Variants in IGF2 observed in about 807,000 individuals in gnomAD.
The protein encoded by IGF2 is insulin like growth factor 2, also known as insulin-like growth factor 2.
Under a neutral mutation model 12.0 loss-of-function variants are expected in IGF2, and 2 were observed. That is an observed-to-expected ratio of 0.17 (90% CI 0.07 to 0.52). IGF2 has a LOEUF of 0.52. Among genes scored for constraint, IGF2 ranks in the 20% least tolerant of loss-of-function variants. The probability of loss-of-function intolerance (pLI) is 0.95; values close to 1 mark genes in which losing one functional copy is unlikely to be tolerated. For synonymous variants in IGF2, 105 were observed against 110.1 expected, an observed-to-expected ratio of 0.95 and a Z score of 0.29; for missense variants, 211 against 268.0, an observed-to-expected ratio of 0.79 and a Z score of 1.48.
chr11:2,134,221 A>G, intron 2 of IGF2: 1 of 464,956 alleles, frequency 2.2e-6, no homozygotes, highest in Non-Finnish European at 4.4e-6. Flanking sequence ...CCCCCACAGC[A>G]ATGCTCAGCT....
rs767507381 is a variant in IGF2, at chr11:2,135,481, A to G, written c.43T>C (p.Phe15Leu). The change falls in exon 2 of 4, where the codon TTC (phenylalanine) becomes CTC (leucine). Residue 15 changes from phenylalanine to leucine, a missense_variant. Phe to Leu is a conservative substitution (Grantham distance 22). Transcript: ENST00000416167. The part of the protein sequence containing the change: ...MGKSMLVLLT[F>L]LAFASCCIAA... ...ATGCAGCACGAGGCGAAGGCCAAGAAGGTGAGAAGCACCAGCATCGACTTC... is the reference window on the plus strand; with the variant it reads ...ATGCAGCACGAGGCGAAGGCCAAGAGGGTGAGAAGCACCAGCATCGACTTC... 6.2e-7 allele frequency: 1 copy of G among 1,613,780 alleles called. No individual in the cohort carries two copies. Among genetic ancestry groups the G allele is most frequent in the South Asian group, 1.1e-5 (1 of 91,070 alleles).
Position 2,135,350 on chromosome 11 carries a change from C to T in IGF2, c.157+17G>A. 1.9e-6 allele frequency: 3 copies of T among 1,596,450 alleles called. No homozygotes were observed. Among genetic ancestry groups the T allele is most frequent in the Non-Finnish European group, 2.6e-6 (3 of 1,171,076 alleles). ...GGGGCCTGACCAGGTCTGAGGAAGCCCCTCCCAGCTACTTACTGAAGTAGA... is the reference window on the plus strand; with the variant it reads ...GGGGCCTGACCAGGTCTGAGGAAGCTCCTCCCAGCTACTTACTGAAGTAGA... On this transcript the variant is annotated intron_variant, in intron 2 of 3. Coordinates refer to ENST00000416167, the MANE Select transcript of IGF2 (RefSeq NM_000612.6).
upstream of IGF2, chr11:2,140,091 CAG>C (rs776583556): frequency 3.0e-5 from 48 of 1,594,652 alleles, no homozygotes; most frequent in Non-Finnish European, 3.9e-5. Context: ...CTCCGGCCGC[CAG>C]AGGAGAGAGG....
chr11:2,140,135 C>G (rs371300605), upstream of IGF2: 29 of 1,612,732 alleles, frequency 1.8e-5, no homozygotes, highest in African/African-American at 3.1e-4. Flanking sequence ...CAAATCCTAC[C>G]TGCATGGCCG....
chr11:2,140,423 C>T, upstream of IGF2: 2 of 832,056 alleles, frequency 2.4e-6, no homozygotes, highest in East Asian at 5.8e-5. Context: ...GGGCCGCCGG[C>T]GGAATCTCGC....
At chr11:2,144,101 T>G (rs1859765054), upstream of IGF2, among the ~76,000 whole-genome samples, 1 of 150,852 alleles carries the variant, frequency 6.6e-6, no homozygotes, top group Non-Finnish European at 1.5e-5. Flanking sequence ...TTTTTTTTTC[T>G]TTGCCTTCTC....
chr11:2,147,325 C>A, the IGF2 span: 1 of 372,700 alleles, frequency 2.7e-6, no homozygotes, highest in Non-Finnish European at 4.8e-6. The surrounding 1 kb of genome is among the most constrained non-coding windows in gnomAD (Gnocchi z 7.2). Context: ...CAGGAGCTCC[C>A]CTGCCAGGAC....
chr11:2,144,088 AT>A (rs5789244), upstream of IGF2, among the ~76,000 whole-genome samples: 133,658 of 150,644 alleles, frequency 0.89, 59,741 homozygotes, highest in East Asian at 1. Context: ...TTTTGCTTTT[AT>A]TTTTTTTTTT....
Position 2,130,169 on chromosome 11 carries a change from C to T in IGF2, c.*2818G>A, listed in dbSNP as rs923224306. ...AACCCTCTGTTTACACACCTGCTAGCCCCTTCCCCTCCGGCCAGCCTCAGG... is the reference window on the plus strand; with the variant it reads ...AACCCTCTGTTTACACACCTGCTAGTCCCTTCCCCTCCGGCCAGCCTCAGG... On this transcript the variant is annotated 3_prime_UTR_variant, in exon 4 of 4. Transcript: ENST00000416167. 23 of 231,060 alleles carry T rather than the reference C, an allele frequency of 1.0e-4. No homozygotes were observed. In the Admixed American group the frequency reaches 1.1e-3, roughly 11 times the overall value. 14.3% of individuals were successfully genotyped at this position (231,060 alleles called of 1,614,324 possible).
chr11:2,140,386 C>T (rs1190072415), upstream of IGF2: 10 of 1,300,732 alleles, frequency 7.7e-6, no homozygotes, highest in South Asian at 2.8e-5. Flanking sequence ...GCCAGCCCCC[C>T]GCCGCCTAAG....
intron 2 of IGF2, among the ~76,000 whole-genome samples, 153 bp downstream of exon 2, chr11:2,135,214 C>A (rs185513917): frequency 6.6e-6 from 1 of 152,238 alleles, no homozygotes; most frequent in Non-Finnish European, 1.5e-5. Flanking sequence ...GGACACCGCA[C>A]GTGCTCAGAA....
chr11:2,137,535 G>C (rs898025152), intron 1 of IGF2, among the ~76,000 whole-genome samples: 1 of 151,932 alleles, frequency 6.6e-6, no homozygotes, highest in Non-Finnish European at 1.5e-5. Context: ...GTGAAGGGGG[G>C]GGGGGTCTCC....
At chr11:2,140,916 C>T (rs1228218469), upstream of IGF2, 1 of 377,612 alleles carries the variant, frequency 2.6e-6, no homozygotes, top group East Asian at 1.2e-4. Flanking sequence ...AGCGATCGAA[C>T]GCTCTGTGGC....
chr11:2,147,880 A>G, the IGF2 span: 417,740 of 1,112,480 alleles, frequency 0.38, 79,314 homozygotes, highest in African/African-American at 0.39. The surrounding 1 kb of genome is among the most constrained non-coding windows in gnomAD (Gnocchi z 7.2). Flanking sequence ...ATACACCCCA[A>G]GCCTGAGCCC....
upstream of IGF2, chr11:2,140,809 C>G (rs1011072052): frequency 2.3e-5 from 7 of 307,098 alleles, no homozygotes; most frequent in South Asian, 7.2e-5. Context: ...GGCCGAGAGC[C>G]GGTCAGGGGC....
upstream of IGF2, among the ~76,000 whole-genome samples, chr11:2,145,755 G>A (rs529923770): frequency 6.6e-6 from 1 of 152,136 alleles, no homozygotes; most frequent in Non-Finnish European, 1.5e-5. Flanking sequence ...CCCTCGTGGG[G>A]CTGCCTGCTG....
Position 2,139,052 on chromosome 11 carries a change from G to T in IGF2, c.-830C>A. ...AGGCTGCGCGCCGGGGGGAGGGCTGGAGGGGGAGCGCGGGGGGGGGTGACA... is the reference window on the plus strand; with the variant it reads ...AGGCTGCGCGCCGGGGGGAGGGCTGTAGGGGGAGCGCGGGGGGGGGTGACA... On this transcript the variant is annotated 5_prime_UTR_variant, in exon 1 of 4. Transcript: ENST00000416167. The T allele has an allele frequency of 6.5e-6, 3 of 462,784 alleles. No individual in the cohort carries two copies. The highest frequency in any genetic ancestry group is 8.1e-6 in the Non-Finnish European group (3 of 369,298). 28.7% of individuals were successfully genotyped at this position (462,784 alleles called of 1,614,324 possible). A position where few individuals can be genotyped will look rare whatever the true frequency, so the allele number is the denominator to read the frequency against.
At chr11:2,135,052 C>T (rs1192605088) in intron 2 of IGF2, among the ~76,000 whole-genome samples, 1 of 152,232 alleles carries the variant, frequency 6.6e-6, no homozygotes, top group Non-Finnish European at 1.5e-5. Flanking sequence ...ACTAGGCGTG[C>T]GGTGCCTCAG....
chr11:2,139,818 G>A (rs1468904136), upstream of IGF2, among the ~76,000 whole-genome samples: 1 of 151,884 alleles, frequency 6.6e-6, no homozygotes, highest in African/African-American at 2.4e-5. Flanking sequence ...CGCCCCGTCT[G>A]AGTGCAGATG....
Sources: gnomAD v4.1 joint callset for allele counts (sites outside exome capture counted in the v4.1 genomes callset) on GRCh38, gnomAD v4.1.1 for gene constraint, Gnocchi (gnomAD v3.1) non-coding constraint, MANE v1.5 for transcripts, NCBI Gene and HGNC (gene_info 2026-07-23, HGNC 2026-07-21) for gene names.